The following OSGIN2 variants were observed in gnomAD, a reference collection of about 807,000 sequenced individuals.
OSGIN2 encodes oxidative stress-induced growth inhibitor 2.
In OSGIN2, 19 loss-of-function variants were observed where a neutral mutation model predicts 53.8. That is an observed-to-expected ratio of 0.35 (90% CI 0.25 to 0.52). The LOEUF is 0.52. Among genes scored for constraint, OSGIN2 ranks in the 20% least tolerant of loss-of-function variants. The pLI, the probability that OSGIN2 is intolerant of heterozygous loss-of-function variation, is 0.95. For missense variants in OSGIN2, 520 were observed against 662.7 expected (o/e 0.78, Z 2.36); for synonymous variants, 236 against 236.0 (o/e 1.00, Z 0.00).
chr8:89,924,472 TTA>T (rs1171463860), intron 5 of OSGIN2, 29 bp from the exon 6 acceptor site: 1 of 1,497,820 alleles, frequency 6.7e-7, no homozygotes, highest in African/African-American at 1.4e-5. Context: ...AGTAGTATCC[TTA>T]TAGGATATTT....
chr8:89,919,188 T>TC (rs1238884394), intron 4 of OSGIN2, among the ~76,000 whole-genome samples: 1 of 152,228 alleles, frequency 6.6e-6, no homozygotes, highest in Admixed American at 6.5e-5. Context: ...TGTTGGGGAG[T>TC]CCAAGTTCAT....
Position 89,924,615 on chromosome 8 carries a change from G to C in OSGIN2, c.733G>C (p.Val245Leu). The change falls in exon 6 of 6, where the codon GTA becomes CTA. Residue 245 changes from valine to leucine, a missense_variant. This residue lies in a region of OSGIN2 where 78 missense variants were observed against 59.1 expected (regional missense o/e 1.32). Transcript: ENST00000451899. Reference sequence around the variant, plus strand: ...CAGAGAGAATACTTACATAACTTCCGTATCAAGACTCTACAGAGATCAAGA... The same window carrying C: ...CAGAGAGAATACTTACATAACTTCCCTATCAAGACTCTACAGAGATCAAGA... ...NFRENTYITS[V>L]SRLYRDQDDD... 2 of 1,613,686 alleles carry C rather than the reference G, an allele frequency of 1.2e-6. No individual in the cohort carries two copies. Among genetic ancestry groups the C allele is most frequent in the East Asian group, 2.2e-5 (1 of 44,882 alleles).
intron 1 of OSGIN2, among the ~76,000 whole-genome samples, chr8:89,906,286 G>A (rs1455962879): frequency 6.6e-6 from 1 of 152,158 alleles, no homozygotes; most frequent in African/African-American, 2.4e-5. Flanking sequence ...GATAGCTGAT[G>A]AGCTTAAAAA....
chr8:89,908,146 A>G (rs1040229872), intron 1 of OSGIN2, among the ~76,000 whole-genome samples: 4 of 152,228 alleles, frequency 2.6e-5, no homozygotes, highest in South Asian at 2.1e-4. Context: ...CATGGGCAAG[A>G]CAGCTGAGGC....
At chr8:89,916,579 G>A (rs1337066483) in intron 4 of OSGIN2, among the ~76,000 whole-genome samples, 1 of 152,120 alleles carries the variant, frequency 6.6e-6, no homozygotes, top group Non-Finnish European at 1.5e-5. Context: ...ATTAACCTGA[G>A]TTGTGACTTA....
chr8:89,918,693 A>G (rs988533907), intron 4 of OSGIN2, among the ~76,000 whole-genome samples: 3 of 152,210 alleles, frequency 2.0e-5, no homozygotes, highest in African/African-American at 7.2e-5. Context: ...CTCAGACTCA[A>G]CGTACCTAAA....
chr8:89,904,539 T>TTC (rs1808795069), intron 1 of OSGIN2, among the ~76,000 whole-genome samples: 1 of 152,142 alleles, frequency 6.6e-6, no homozygotes, highest in Admixed American at 6.5e-5. Context: ...TTTTTTTTTT[T>TTC]AGTTGTTTAC....
intron 1 of OSGIN2, among the ~76,000 whole-genome samples, chr8:89,906,632 A>G (rs1329078828): frequency 1.3e-5 from 2 of 152,152 alleles, no homozygotes; most frequent in African/African-American, 4.8e-5. Context: ...GTGGCTGTAT[A>G]GTATTCTATG....
intron 5 of OSGIN2, among the ~76,000 whole-genome samples, chr8:89,923,039 G>C (rs1389625165): frequency 6.6e-6 from 1 of 152,112 alleles, no homozygotes; most frequent in East Asian, 1.9e-4. Context: ...ACCTGTATAA[G>C]GGCGCTTACC....
At chr8:89,902,963 G>A (rs1432573759) in intron 1 of OSGIN2, 126 bp downstream of exon 1, 1 of 510,852 alleles carries the variant, frequency 2.0e-6, no homozygotes, top group Non-Finnish European at 3.0e-6. Flanking sequence ...CTCCCGCCTC[G>A]GCCGTCCTGC....
chr8:89,907,226 G>A (rs1449546067), intron 1 of OSGIN2, among the ~76,000 whole-genome samples: 1 of 152,100 alleles, frequency 6.6e-6, no homozygotes, highest in Non-Finnish European at 1.5e-5. Flanking sequence ...TTACTCTGTT[G>A]ATAGTTTCTT....
In OSGIN2 at chr8:89,926,433, C is replaced by G. The variant is rs1809335124; in HGVS notation, c.*901C>G. The G allele has an allele frequency of 6.6e-6, 1 of 152,592 alleles. No individual in the cohort carries two copies. Among genetic ancestry groups the G allele is most frequent in the Non-Finnish European group, 1.5e-5 (1 of 68,020 alleles). 9.5% of individuals were successfully genotyped at this position (152,592 alleles called of 1,614,324 possible). A position where few individuals can be genotyped will look rare whatever the true frequency, so the allele number is the denominator to read the frequency against. On this transcript the variant is annotated 3_prime_UTR_variant, in exon 6 of 6. Transcript: ENST00000451899. ...GTGAACATTGAATTACTTTCTGTCA[C>G]TGAAACTGAGGTATTTGGGTGTGGT...
chr8:89,918,720 A>G (rs1809134710), intron 4 of OSGIN2, among the ~76,000 whole-genome samples: 1 of 152,138 alleles, frequency 6.6e-6, no homozygotes, highest in African/African-American at 2.4e-5. Context: ...TATCTTTATC[A>G]TCAAGTCCCT....
intron 1 of OSGIN2, among the ~76,000 whole-genome samples, chr8:89,905,591 A>G (rs1185010452): frequency 6.6e-6 from 1 of 152,252 alleles, no homozygotes; most frequent in East Asian, 1.9e-4. Flanking sequence ...AGTGAATCAC[A>G]CTTTCCGTTT....
intron 4 of OSGIN2, among the ~76,000 whole-genome samples, chr8:89,917,453 C>T (rs1347475069): frequency 6.6e-6 from 1 of 152,186 alleles, no homozygotes; most frequent in African/African-American, 2.4e-5. Context: ...TTCCCTTAAC[C>T]CATTGTCCTT....
chr8:89,910,349 T>C (rs1420337362), intron 2 of OSGIN2, among the ~76,000 whole-genome samples: 1 of 152,250 alleles, frequency 6.6e-6, no homozygotes, highest in African/African-American at 2.4e-5. Context: ...CTGTTATGTA[T>C]ATTTTTCATC....
chr8:89,916,122 A>G (rs2130703824), intron 4 of OSGIN2, among the ~76,000 whole-genome samples: 1 of 152,300 alleles, frequency 6.6e-6, no homozygotes, highest in Middle Eastern at 3.4e-3. Flanking sequence ...AAAAGCCATA[A>G]TGTATTTGGA....
chr8:89,921,568 A>G (rs1809205236), intron 5 of OSGIN2, among the ~76,000 whole-genome samples: 1 of 152,194 alleles, frequency 6.6e-6, no homozygotes, highest in East Asian at 1.9e-4. Context: ...AAAGTGTTTG[A>G]CTTTCAGTAT....
chr8:89,916,865 C>T (rs1468123874), intron 4 of OSGIN2, among the ~76,000 whole-genome samples: 1 of 152,174 alleles, frequency 6.6e-6, no homozygotes, highest in Non-Finnish European at 1.5e-5. Flanking sequence ...TCTCCCATAG[C>T]CCTATGTCCC....
Sources: allele counts gnomAD v4.1 joint callset (sites outside exome capture counted in the v4.1 genomes callset), GRCh38; gene constraint gnomAD v4.1.1; regional missense constraint gnomAD v4.1.1; transcripts MANE v1.5; gene names NCBI Gene and HGNC (gene_info 2026-07-23, HGNC 2026-07-21).